The following GRIA3 variants were observed in gnomAD, a reference collection of about 807,000 sequenced individuals.
GRIA3 encodes glutamate ionotropic receptor AMPA type subunit 3, also known as glutamate receptor 3.
Under a neutral mutation model 63.0 loss-of-function variants are expected in GRIA3, and 3 were observed. That is an observed-to-expected ratio of 0.05 (90% CI 0.02 to 0.12). GRIA3 has a LOEUF of 0.12. Ranked by LOEUF, GRIA3 falls within the 10% of genes least tolerant of loss-of-function variation. GRIA3 has a pLI of 1.00. For missense variants in GRIA3, 347 were observed against 700.9 expected, an observed-to-expected ratio of 0.50 and a Z score of 5.70; for synonymous variants, 274 against 257.9, an observed-to-expected ratio of 1.06 and a Z score of -0.60.
intron 11 of GRIA3, among the ~76,000 whole-genome samples, chrX:123,426,812 G>A (rs1252415465): frequency 1.8e-5 from 2 of 112,312 alleles, no homozygotes; most frequent in African/African-American, 3.2e-5. Context: ...TAAACAGTGG[G>A]TGCTGTTGAA....
chrX:123,348,032 T>C (rs985330687), intron 4 of GRIA3, among the ~76,000 whole-genome samples: 5 of 111,615 alleles, frequency 4.5e-5, no homozygotes, highest in Non-Finnish European at 7.5e-5. Flanking sequence ...CTCAGCCATA[T>C]ACCCGATGGT....
intron 13 of GRIA3, among the ~76,000 whole-genome samples, chrX:123,470,389 T>TTG (rs2045855480): frequency 8.9e-6 from 1 of 112,000 alleles, no homozygotes; most frequent in African/African-American, 3.2e-5. Context: ...AGGGAATTTG[T>TTG]TTAAATCGTT....
intron 12 of GRIA3, among the ~76,000 whole-genome samples, chrX:123,452,361 C>A (rs757679206): frequency 1.6e-4 from 17 of 108,185 alleles, no homozygotes; most frequent in Admixed American, 6.9e-4. Context: ...CACTCCCCCC[C>A]CAAAAAAAAA....
At chrX:123,451,505 T>A (rs866927466) in intron 12 of GRIA3, among the ~76,000 whole-genome samples, 6 of 16,180 alleles carry the variant, frequency 3.7e-4, no homozygotes, top group Non-Finnish European at 5.4e-4. Flanking sequence ...ACTCTGTCTC[T>A]AAAAAAAAAA....
chrX:123,468,470 G>A (rs531070), intron 13 of GRIA3, among the ~76,000 whole-genome samples: 6,173 of 111,920 alleles, frequency 0.055, 396 homozygotes, highest in African/African-American at 0.18. Flanking sequence ...TGGAATGTCA[G>A]TTGAATTTTT....
chrX:123,293,533 A>G (rs1603074751), intron 3 of GRIA3, among the ~76,000 whole-genome samples: 1 of 109,721 alleles, frequency 9.1e-6, no homozygotes, highest in East Asian at 2.9e-4. Flanking sequence ...CCCACCCAAC[A>G]TAACATCTCT....
At chrX:123,439,884 A>C (rs1484122691) in intron 12 of GRIA3, among the ~76,000 whole-genome samples, 1 of 110,797 alleles carries the variant, frequency 9.0e-6, no homozygotes, top group African/African-American at 3.3e-5. Context: ...AGATTATTTC[A>C]TCACCCAGGT....
intron 3 of GRIA3, among the ~76,000 whole-genome samples, chrX:123,304,976 C>A (rs1337477823): frequency 1.8e-5 from 2 of 111,845 alleles, no homozygotes; most frequent in African/African-American, 6.5e-5. Flanking sequence ...AAATCCATTT[C>A]TAGGTCTTCT....
intron 2 of GRIA3, among the ~76,000 whole-genome samples, chrX:123,235,542 T>C (rs1199440151): frequency 1.8e-5 from 2 of 111,182 alleles, no homozygotes. Context: ...ACACAATACA[T>C]TAAAAAAAAC....
At chrX:123,432,563 G>T (rs2045623949) in intron 12 of GRIA3, among the ~76,000 whole-genome samples, 1 of 111,683 alleles carries the variant, frequency 9.0e-6, no homozygotes, top group African/African-American at 3.2e-5. Context: ...ATACCTGTGT[G>T]CGTAGGCTGC....
At chrX:123,431,741 C>CT (rs1327902460) in intron 12 of GRIA3, among the ~76,000 whole-genome samples, 1 of 111,882 alleles carries the variant, frequency 8.9e-6, no homozygotes, top group African/African-American at 3.2e-5. Flanking sequence ...GCCTGCAGAC[C>CT]TTTAAAAGTA....
chrX:123,437,809 T>A (rs1302474579), intron 12 of GRIA3, among the ~76,000 whole-genome samples: 1 of 111,763 alleles, frequency 8.9e-6, no homozygotes, highest in Non-Finnish European at 1.9e-5. Flanking sequence ...TGAAAAGGTA[T>A]ACTAGGACTG....
chrX:123,324,852 G>A lies in GRIA3; in HGVS notation c.509-1174G>A, dbSNP rs192657872. The stretch of plus-strand genomic sequence containing the variant: ...TCTATGGTACAATGAAGAAAATTCC[G>A]AATTGTAGCCTGCTTACACTAAAGG... On this transcript the variant is annotated intron_variant, in intron 3 of 15. Transcript: ENST00000620443. Among the ~76,000 whole-genome samples, 275 of 111,440 alleles carry A rather than the reference G, an allele frequency of 2.5e-3. 2 individuals carry two copies. The highest frequency in any genetic ancestry group is 4.7e-3 in the Middle Eastern group (1 of 215).
intron 3 of GRIA3, among the ~76,000 whole-genome samples, chrX:123,285,973 C>A (rs1187269739): frequency 8.9e-6 from 1 of 111,951 alleles, no homozygotes; most frequent in Admixed American, 9.5e-5. Context: ...ACATTCTTCT[C>A]AGCACCACAT....
At chrX:123,442,454 T>C (rs183142972) in intron 12 of GRIA3, among the ~76,000 whole-genome samples, 3 of 111,819 alleles carry the variant, frequency 2.7e-5, no homozygotes, top group African/African-American at 6.5e-5. Context: ...ATTACAGGGA[T>C]AGAGATTTTA....
At chrX:123,402,571 C>A (rs1450497371) in intron 7 of GRIA3, among the ~76,000 whole-genome samples, 1 of 110,330 alleles carries the variant, frequency 9.1e-6, no homozygotes, top group Non-Finnish European at 1.9e-5. Context: ...GTAACAGTGC[C>A]CATGCTGCTG....
intron 10 of GRIA3, among the ~76,000 whole-genome samples, chrX:123,408,060 C>T (rs1603139049): frequency 3.6e-5 from 4 of 110,973 alleles, no homozygotes; most frequent in South Asian, 7.8e-4. Flanking sequence ...CTCCCAGGTT[C>T]AAGCGATTCT....
intron 2 of GRIA3, among the ~76,000 whole-genome samples, chrX:123,247,934 T>C (rs2044368594): frequency 8.9e-6 from 1 of 111,733 alleles, no homozygotes; most frequent in South Asian, 3.8e-4. Context: ...ATTTATTGTA[T>C]TTTCCCCTCA....
At chrX:123,392,919 A>G (rs1036376958) in intron 5 of GRIA3, among the ~76,000 whole-genome samples, 8 of 111,870 alleles carry the variant, frequency 7.2e-5, no homozygotes, top group African/African-American at 2.6e-4. Context: ...GGTAACAGTT[A>G]GGCTTAAACC....
Sources: gnomAD v4.1 joint callset for allele counts (sites outside exome capture counted in the v4.1 genomes callset) on GRCh38, gnomAD v4.1.1 for gene constraint, MANE v1.5 for transcripts, NCBI Gene and HGNC (gene_info 2026-07-23, HGNC 2026-07-21) for gene names.